ATP2C2: variants seen among roughly 807,000 people sequenced by gnomAD.
ATP2C2 encodes the protein calcium-transporting ATPase type 2C member 2.
In ATP2C2, 171 loss-of-function variants were observed where a neutral mutation model predicts 110.8. The observed-to-expected ratio is 1.54, with a 90% CI of 1.36 to 1.75. ATP2C2 has a LOEUF of 1.75. Among genes scored for constraint, ATP2C2 ranks in the 40% most tolerant of loss-of-function variants. ATP2C2 has a pLI of 0.00. For missense variants in ATP2C2, 1,963 were observed against 1,235.0 expected (o/e 1.59, Z -8.84); for synonymous variants, 804 against 508.4 (o/e 1.58, Z -7.82).
At position 84,368,721 on chromosome 16, in the gene ATP2C2, C is replaced by T. The variant is rs750319636; in HGVS notation, c.99+7C>T. On this transcript the variant is annotated splice_region_variant and intron_variant, in intron 1 of 26. Coordinates refer to ENST00000262429, the MANE Select transcript of ATP2C2 (RefSeq NM_014861.4). Reference sequence around the variant, plus strand: ...GGACGAAGAGGAAGCCTTGGTGAGTCCCCGCGACTCCGCGCCGGGCGTGCG... The same window carrying T: ...GGACGAAGAGGAAGCCTTGGTGAGTTCCCGCGACTCCGCGCCGGGCGTGCG... 56 of 1,516,534 alleles carry T rather than the reference C, an allele frequency of 3.7e-5. No homozygotes were observed. Among genetic ancestry groups the T allele is most frequent in the Non-Finnish European group, 4.5e-5 (51 of 1,133,792 alleles). The allele number at this position is 1,516,534 out of a possible 1,614,324, so 93.9% of individuals were successfully genotyped here.
chr16:84,442,594 A>T lies in ATP2C2; in HGVS notation c.1396A>T (p.Met466Leu), dbSNP rs247897. The change falls in exon 15 of 27, where the codon ATG becomes TTG. Residue 466 changes from methionine (M) to leucine (L), a missense_variant. Transcript: ENST00000262429. ...CGAGGGTGCATTGATGGCCCTGGCG[A>T]TGAAGGTAGGAGGTCCTGGGGTGGC... is the stretch of plus-strand genomic sequence containing the variant. Reference protein sequence around the residue: ...PTEGALMALAMKMDLSDIKNS... With the variant: ...PTEGALMALALKMDLSDIKNS... 602,616 of 1,612,960 alleles carry T rather than the reference A, an allele frequency of 0.37. 114,312 individuals are homozygous for T. The highest frequency in any genetic ancestry group is 0.43 in the African/African-American group (31,849 of 74,820).
chr16:84,411,864 TG>T (rs1347887601), intron 6 of ATP2C2, among the ~76,000 whole-genome samples: 1 of 152,206 alleles, frequency 6.6e-6, no homozygotes, highest in Non-Finnish European at 1.5e-5. Context: ...TAGGAACAGC[TG>T]CCATTGGTGG....
chr16:84,459,759 A>G, intron 23 of ATP2C2: 1 of 611,350 alleles, frequency 1.6e-6, no homozygotes, highest in Admixed American at 2.9e-5. Context: ...CCTAGAGAGG[A>G]AGATACACAC....
At chr16:84,393,095 G>A (rs561387035) in intron 1 of ATP2C2, among the ~76,000 whole-genome samples, 11 of 152,200 alleles carry the variant, frequency 7.2e-5, no homozygotes, top group Non-Finnish European at 1.5e-4. Context: ...GGGCCCACTT[G>A]GAGAGAAGAA....
intron 7 of ATP2C2, among the ~76,000 whole-genome samples, 181 bp from the exon 8 acceptor site, chr16:84,422,209 C>T (rs926080550): frequency 3.9e-5 from 6 of 152,030 alleles, no homozygotes; most frequent in South Asian, 2.1e-4. Context: ...TAAGAGAGGC[C>T]GCTCATTCAA....
At chr16:84,412,410 G>GTGTA (rs1906426489) in intron 6 of ATP2C2, among the ~76,000 whole-genome samples, 1 of 101,740 alleles carries the variant, frequency 9.8e-6, no homozygotes, top group African/African-American at 3.5e-5. Context: ...GTCTGTGCAT[G>GTGTA]TGTCTGTGTA....
intron 1 of ATP2C2, among the ~76,000 whole-genome samples, chr16:84,368,981 G>A (rs977050341): frequency 1.3e-5 from 2 of 152,222 alleles, no homozygotes. Flanking sequence ...TAAGGGGCAC[G>A]GAGCTAGGAA....
chr16:84,462,052 C>G lies in ATP2C2; in HGVS notation c.2645C>G (p.Ser882Cys). 6.2e-7 allele frequency: 1 copy of G among 1,614,104 alleles called. No homozygotes were observed. The highest frequency in any genetic ancestry group is 8.5e-7 in the Non-Finnish European group (1 of 1,179,980). Residue 882 changes from serine to cysteine, a missense_variant, in exon 26 of 27, where the codon TCC becomes TGC. Ser to Cys is a moderately radical substitution (Grantham distance 112). Coordinates refer to ENST00000262429, the MANE Select transcript of ATP2C2 (RefSeq NM_014861.4). ...NHMFLYSVLGSILGQLAVIYI... is the reference protein window; with the variant it reads ...NHMFLYSVLGCILGQLAVIYI... ...ATGTTCCTCTACTCCGTCCTGGGGT[C>G]CATCCTGGGGCAGCTGGCGGTCATT... is the stretch of plus-strand genomic sequence containing the variant.
intron 1 of ATP2C2, among the ~76,000 whole-genome samples, chr16:84,388,684 T>C (rs2080912492): frequency 6.6e-6 from 1 of 152,238 alleles, no homozygotes; most frequent in South Asian, 2.1e-4. Context: ...TCTTGTGTCA[T>C]TCTGACTCTT....
chr16:84,425,192 G>A (rs1907700898), intron 10 of ATP2C2, among the ~76,000 whole-genome samples: 1 of 152,114 alleles, frequency 6.6e-6, no homozygotes, highest in Admixed American at 6.6e-5. Flanking sequence ...GGTGTCACCT[G>A]GCAACACCAC....
At chr16:84,454,720 C>G in intron 20 of ATP2C2, 98 bp from the exon 21 acceptor site, 2 of 1,308,168 alleles carry the variant, frequency 1.5e-6, no homozygotes, top group Non-Finnish European at 2.0e-6. Flanking sequence ...GGGTGCCCTC[C>G]AGACAGAGGT....
At chr16:84,410,073 G>A (rs1402340196) in intron 4 of ATP2C2, among the ~76,000 whole-genome samples, 2 of 152,146 alleles carry the variant, frequency 1.3e-5, no homozygotes, top group Non-Finnish European at 2.9e-5. Context: ...GCAGGGCATG[G>A]TGGCATGTGC....
At chr16:84,383,592 A>G (rs1272443906) in intron 1 of ATP2C2, among the ~76,000 whole-genome samples, 1 of 152,204 alleles carries the variant, frequency 6.6e-6, no homozygotes, top group Non-Finnish European at 1.5e-5. Flanking sequence ...AGAAGATGAT[A>G]GCACAAACAC....
chr16:84,460,571 G>A (rs1390490805), intron 23 of ATP2C2, 83 bp from the exon 24 acceptor site: 3 of 1,597,854 alleles, frequency 1.9e-6, no homozygotes, highest in African/African-American at 2.7e-5. Context: ...AACTTGGCCT[G>A]GGAGGCTCAG....
At chr16:84,462,164 G>A (rs2241639) in intron 26 of ATP2C2, 35 bp downstream of exon 26, 450,167 of 1,594,202 alleles carry the variant, frequency 0.28, 65,455 homozygotes, top group Non-Finnish European at 0.3. Flanking sequence ...AGGTGACCTC[G>A]ACCAGGGCCA....
At chr16:84,374,677 G>A (rs1221559799) in intron 1 of ATP2C2, among the ~76,000 whole-genome samples, 1 of 151,994 alleles carries the variant, frequency 6.6e-6, no homozygotes, top group African/African-American at 2.4e-5. Context: ...GCTGATGGGG[G>A]GTCCTTTGGT....
At chr16:84,450,060 C>T (rs976592803) in intron 17 of ATP2C2, among the ~76,000 whole-genome samples, 2 of 152,254 alleles carry the variant, frequency 1.3e-5, no homozygotes, top group African/African-American at 2.4e-5. Context: ...CGTAATGACG[C>T]GTTCCAGGGA....
Position 84,372,814 on chromosome 16 carries a change from C to G in ATP2C2, c.99+4100C>G, listed in dbSNP as rs182341670. ...TAAACATAACTGTTTGCTTATAACT[C>G]AACTATAAAATCAGGTTCAATTTAG... On this transcript the variant is annotated intron_variant, in intron 1 of 26. Transcript: ENST00000262429. Among the ~76,000 whole-genome samples, 143 of 152,012 alleles carry G rather than the reference C, an allele frequency of 9.4e-4. 1 individual carries two copies. The South Asian group carries it at 0.021, about 23-fold the overall frequency.
At chr16:84,388,273 C>A (rs896070813) in intron 1 of ATP2C2, among the ~76,000 whole-genome samples, 1 of 151,824 alleles carries the variant, frequency 6.6e-6, no homozygotes, top group Non-Finnish European at 1.5e-5. Flanking sequence ...TGCAGTGAGC[C>A]GAGATCACGC....
Sources: gnomAD v4.1 joint callset for allele counts (sites outside exome capture counted in the v4.1 genomes callset) on GRCh38, gnomAD v4.1.1 for gene constraint, MANE v1.5 for transcripts, NCBI Gene and HGNC (gene_info 2026-07-23, HGNC 2026-07-21) for gene names.